FLRT2: variants seen among roughly 807,000 people sequenced by gnomAD.
FLRT2 encodes leucine-rich repeat transmembrane protein FLRT2.
FLRT2 carries 15 observed loss-of-function variants against 40.0 expected under a neutral mutation model. That is an observed-to-expected ratio of 0.38 (90% CI 0.25 to 0.58). The LOEUF (loss-of-function observed/expected upper bound fraction) is 0.58, where lower values mean the gene tolerates loss of function less well. Among genes scored for constraint, FLRT2 ranks in the 20% least tolerant of loss-of-function variants. The pLI is 0.71. For synonymous variants in FLRT2, 380 were observed against 336.8 expected, an observed-to-expected ratio of 1.13 and a Z score of -1.41; for missense variants, 726 against 840.0, an observed-to-expected ratio of 0.86 and a Z score of 1.68.
At chr14:85,593,879 TA>T (rs775751857) in intron 1 of FLRT2, among the ~76,000 whole-genome samples, 3 of 151,968 alleles carry the variant, frequency 2.0e-5, no homozygotes, top group Non-Finnish European at 2.9e-5. Context: ...CCATCTTTAC[TA>T]AAAATATAAA....
intron 1 of FLRT2, among the ~76,000 whole-genome samples, chr14:85,598,646 T>C (rs979080407): frequency 1.3e-5 from 2 of 152,204 alleles, no homozygotes; most frequent in Non-Finnish European, 2.9e-5. Context: ...TTGGACCTCA[T>C]AGGATTTTCG....
chr14:85,651,932 C>T lies in FLRT2; in HGVS notation c.*28435C>T, dbSNP rs866310906. The T allele has an allele frequency of 6.6e-6, 1 of 152,004 alleles. No individual in the cohort carries two copies. The highest frequency in any genetic ancestry group is 6.6e-5 in the Admixed American group (1 of 15,246). The allele number at this position is 152,004 out of a possible 1,614,324, so 9.4% of individuals were successfully genotyped here. ...ACATATTATTGGTCATCATCACCTG[C>T]CTATTAAATATGCTTTCCCACTAGG... is the stretch of plus-strand genomic sequence containing the variant. On this transcript the variant is annotated 3_prime_UTR_variant, in exon 2 of 2. Transcript: ENST00000330753.
chr14:85,582,679 T>C (rs1273480634), intron 1 of FLRT2, among the ~76,000 whole-genome samples: 1 of 152,106 alleles, frequency 6.6e-6, no homozygotes, highest in East Asian at 1.9e-4. Flanking sequence ...GCTATTGCCA[T>C]TATAATCATT....
intron 1 of FLRT2, among the ~76,000 whole-genome samples, chr14:85,570,988 G>A (rs1361696020): frequency 6.6e-6 from 1 of 152,046 alleles, no homozygotes; most frequent in Non-Finnish European, 1.5e-5. Context: ...AGATTTTAAA[G>A]CTTCTGTTAC....
At position 85,652,484 on chromosome 14, in the gene FLRT2, A is replaced by C. The variant is rs1244130042; in HGVS notation, c.*28987A>C. The stretch of plus-strand genomic sequence containing the variant: ...GCCATAGGAAAATTCTTTTTTGAGA[A>C]TTTTTTTCTTATAACGTTCTTCATC... On this transcript the variant is annotated 3_prime_UTR_variant, in exon 2 of 2. Coordinates refer to ENST00000330753, the MANE Select transcript of FLRT2 (RefSeq NM_013231.6). 1 of 151,968 alleles carries C rather than the reference A, an allele frequency of 6.6e-6. No homozygotes were observed. The highest frequency in any genetic ancestry group is 1.5e-5 in the Non-Finnish European group (1 of 67,984). 9.4% of individuals were successfully genotyped at this position (151,968 alleles called of 1,614,324 possible).
intron 1 of FLRT2, among the ~76,000 whole-genome samples, chr14:85,572,666 A>G (rs532220953): frequency 2.6e-5 from 4 of 152,180 alleles, no homozygotes; most frequent in Admixed American, 1.3e-4. Flanking sequence ...CTGTAAGTAT[A>G]TGGTGACTGG....
chr14:85,635,785 T>C lies in FLRT2; in HGVS notation c.*12288T>C, dbSNP rs769884370. Reference sequence around the variant, plus strand: ...CTTCTTTCCCAGACCTTCAATACTTTTATAAAACCACTACTTAGCAGCTAA... The same window carrying C: ...CTTCTTTCCCAGACCTTCAATACTTCTATAAAACCACTACTTAGCAGCTAA... On this transcript the variant is annotated 3_prime_UTR_variant, in exon 2 of 2. Transcript: ENST00000330753. 11 of 152,126 alleles carry C rather than the reference T, an allele frequency of 7.2e-5. No homozygotes were observed. The highest frequency in any genetic ancestry group is 1.3e-4 in the Non-Finnish European group (9 of 67,988). The allele number at this position is 152,126 out of a possible 1,614,324, so 9.4% of individuals were successfully genotyped here.
Position 85,644,790 on chromosome 14 carries a change from G to A in FLRT2, c.*21293G>A, listed in dbSNP as rs1314912448. The A allele has an allele frequency of 6.6e-6, 1 of 152,156 alleles. No homozygotes were observed. The highest frequency in any genetic ancestry group is 2.4e-5 in the African/African-American group (1 of 41,426). 9.4% of individuals were successfully genotyped at this position (152,156 alleles called of 1,614,324 possible). ...AGAGTAGACTCTCTAGCTTTTCCAGGCTGTGGTCCAGGCTGCTGTCTTTGC... is the reference window on the plus strand; with the variant it reads ...AGAGTAGACTCTCTAGCTTTTCCAGACTGTGGTCCAGGCTGCTGTCTTTGC... On this transcript the variant is annotated 3_prime_UTR_variant, in exon 2 of 2. Coordinates refer to ENST00000330753, the MANE Select transcript of FLRT2 (RefSeq NM_013231.6).
Position 85,644,474 on chromosome 14 carries a change from A to G in FLRT2, c.*20977A>G, listed in dbSNP as rs1894242962. The G allele has an allele frequency of 6.6e-6, 1 of 152,206 alleles. No homozygotes were observed. Among genetic ancestry groups the G allele is most frequent in the Non-Finnish European group, 1.5e-5 (1 of 68,042 alleles). The allele number at this position is 152,206 out of a possible 1,614,324, so 9.4% of individuals were successfully genotyped here. Reference sequence around the variant, plus strand: ...CAGCTTAATAACATCATGTGACTGAAGTGGAAGAACTGGAAGGAAAAGATA... The same window carrying G: ...CAGCTTAATAACATCATGTGACTGAGGTGGAAGAACTGGAAGGAAAAGATA... On this transcript the variant is annotated 3_prime_UTR_variant, in exon 2 of 2. Coordinates refer to ENST00000330753, the MANE Select transcript of FLRT2 (RefSeq NM_013231.6).
At chr14:85,559,108 A>G (rs1357113003) in intron 1 of FLRT2, among the ~76,000 whole-genome samples, 1 of 152,222 alleles carries the variant, frequency 6.6e-6, no homozygotes, top group Non-Finnish European at 1.5e-5. Context: ...TTCATGCAGA[A>G]TACTTTGCTA....
Position 85,627,448 on chromosome 14 carries a change from C to T in FLRT2, c.*3951C>T, listed in dbSNP as rs969396980. On this transcript the variant is annotated 3_prime_UTR_variant, in exon 2 of 2. Coordinates refer to ENST00000330753, the MANE Select transcript of FLRT2 (RefSeq NM_013231.6). ...AAAGAGTTTTGTATATGTCTGATAC[C>T]GTTGTTATAACAAAACAAATTTTTT... The T allele has an allele frequency of 6.0e-5, 10 of 167,072 alleles. No individual in the cohort carries two copies. The highest frequency in any genetic ancestry group is 4.1e-4 in the South Asian group (2 of 4,822). The allele number at this position is 167,072 out of a possible 1,614,324, so 10.3% of individuals were successfully genotyped here. A position where few individuals can be genotyped will look rare whatever the true frequency, so the allele number is the denominator to read the frequency against.
chr14:85,603,326 G>A (rs894317090), intron 1 of FLRT2, among the ~76,000 whole-genome samples: 1 of 151,928 alleles, frequency 6.6e-6, no homozygotes, highest in African/African-American at 2.4e-5. Flanking sequence ...TTGAGGTTCC[G>A]GGCATCGATT....
chr14:85,619,608 C>CT (rs1482502123), intron 1 of FLRT2, among the ~76,000 whole-genome samples: 5 of 151,786 alleles, frequency 3.3e-5, no homozygotes, highest in Non-Finnish European at 7.4e-5. Flanking sequence ...TTCTTTTTTT[C>CT]TTTTTTAATT....
intron 1 of FLRT2, among the ~76,000 whole-genome samples, chr14:85,542,403 A>G (rs1395201546): frequency 6.6e-6 from 1 of 152,136 alleles, no homozygotes; most frequent in Non-Finnish European, 1.5e-5. Flanking sequence ...GATGTAGGAA[A>G]GCTATATTTA....
At chr14:85,535,855 G>C (rs1172814253) in intron 1 of FLRT2, among the ~76,000 whole-genome samples, 1 of 144,716 alleles carries the variant, frequency 6.9e-6, no homozygotes, top group Non-Finnish European at 1.5e-5. Flanking sequence ...CTGTACTGTA[G>C]CAGAACCTAT....
chr14:85,570,160 C>T (rs571819305), intron 1 of FLRT2, among the ~76,000 whole-genome samples: 1 of 152,238 alleles, frequency 6.6e-6, no homozygotes, highest in East Asian at 1.9e-4. Context: ...ACCCTGGGCT[C>T]CTTTGAAAAT....
intron 1 of FLRT2, among the ~76,000 whole-genome samples, chr14:85,565,459 A>G (rs1890575489): frequency 6.6e-6 from 1 of 152,172 alleles, no homozygotes; most frequent in Non-Finnish European, 1.5e-5. Context: ...TATTCAGAAT[A>G]TTATGTGGCA....
At position 85,622,102 on chromosome 14, in the gene FLRT2, C is replaced by T. The variant is rs772578971; in HGVS notation, c.588C>T (p.Ser196=). 2.7e-5 allele frequency: 44 copies of T among 1,613,976 alleles called. 1 individual carries two copies. Among genetic ancestry groups the T allele is most frequent in the East Asian group, 4.5e-5 (2 of 44,888 alleles). ...ATGAAAATCGAATTGCTGTCATATCCGACATGGCCTTCCAGAATCTCACGA... is the reference window on the plus strand; with the variant it reads ...ATGAAAATCGAATTGCTGTCATATCTGACATGGCCTTCCAGAATCTCACGA... ...RVDENRIAVI[S]DMAFQNLTSL... Residue 196 remains serine, a synonymous_variant, in exon 2 of 2, where the codon TCC becomes TCT. Transcript: ENST00000330753.
At chr14:85,557,495 A>G (rs1890044284) in intron 1 of FLRT2, among the ~76,000 whole-genome samples, 1 of 152,196 alleles carries the variant, frequency 6.6e-6, no homozygotes, top group Admixed American at 6.5e-5. Flanking sequence ...TGGCATCTCC[A>G]CTAGGCCCAG....
Sources: gnomAD v4.1 joint callset for allele counts (sites outside exome capture counted in the v4.1 genomes callset) on GRCh38, gnomAD v4.1.1 for gene constraint, MANE v1.5 for transcripts, NCBI Gene and HGNC (gene_info 2026-07-23, HGNC 2026-07-21) for gene names.